ABCB8: variants seen among roughly 807,000 people sequenced by gnomAD.
ABCB8 encodes the protein ATP binding cassette subfamily B member 8.
In ABCB8, 52 loss-of-function variants were observed where a neutral mutation model predicts 73.0. That is an observed-to-expected ratio of 0.71 (90% CI 0.57 to 0.90). ABCB8 has a LOEUF of 0.90. Among genes scored for constraint, ABCB8 ranks in the 40% least tolerant of loss-of-function variants. The pLI is 0.00. For missense variants in ABCB8, 909 were observed against 974.6 expected (o/e 0.93, Z 0.90); for synonymous variants, 428 against 423.5 (o/e 1.01, Z -0.13).
chr7:151,043,978 G>C lies in ABCB8; in HGVS notation c.1773G>C (p.Arg591=). The part of the protein sequence containing the change: ...PEGYNTVVGE[R]GTTLSGGQKQ... ...CTGCCCCTCCCTTCCCAGGTGAACGGGGCACTACCCTGTCTGGGGGCCAGA... is the reference window on the plus strand; with the variant it reads ...CTGCCCCTCCCTTCCCAGGTGAACGCGGCACTACCCTGTCTGGGGGCCAGA... Residue 591 remains arginine, a synonymous_variant, in exon 15 of 16, where the codon CGG becomes CGC. Transcript: ENST00000358849. 1 of 1,611,424 alleles carries C rather than the reference G, an allele frequency of 6.2e-7. No individual in the cohort carries two copies. Among genetic ancestry groups the C allele is most frequent in the Non-Finnish European group, 8.5e-7 (1 of 1,178,732 alleles).
chr7:151,036,027 C>T (rs746901227), intron 7 of ABCB8, 46 bp from the exon 8 acceptor site: 5 of 1,612,600 alleles, frequency 3.1e-6, no homozygotes, highest in South Asian at 1.1e-5. Flanking sequence ...GCCAACCCTT[C>T]GTGCCAGCCC....
At chr7:151,040,361 T>C in intron 10 of ABCB8, 60 bp downstream of exon 10, 1 of 1,603,616 alleles carries the variant, frequency 6.2e-7, no homozygotes, top group Non-Finnish European at 8.5e-7. Flanking sequence ...TGTGCCGCTG[T>C]GGGAGCTGCC....
intron 1 of ABCB8, chr7:151,028,905 C>G (rs1796057107): frequency 2.8e-6 from 4 of 1,449,718 alleles, no homozygotes; most frequent in Non-Finnish European, 2.8e-6. Context: ...CTTTCCTGGC[C>G]CTGGAGGTGA....
intron 1 of ABCB8, chr7:151,031,460 A>C (rs1188173977): frequency 1.2e-6 from 1 of 846,356 alleles, no homozygotes; most frequent in Non-Finnish European, 1.7e-6. Flanking sequence ...GGGTCTAGGG[A>C]TGTGAAAGGC....
chr7:151,028,492 C>A lies in ABCB8; in HGVS notation c.-24C>A. 1 of 1,603,962 alleles carries A rather than the reference C, an allele frequency of 6.2e-7. No individual in the cohort carries two copies. Among genetic ancestry groups the A allele is most frequent in the East Asian group, 2.2e-5 (1 of 44,532 alleles). On this transcript the variant is annotated 5_prime_UTR_variant, in exon 1 of 16. Transcript: ENST00000358849. ...ATGAGGGTGAAACTGCTATTGCCGG[C>A]GGCTCCTGTTTTACCGCGTCAGCAT... is the stretch of plus-strand genomic sequence containing the variant.
At chr7:151,029,322 C>G (rs893483462) in intron 1 of ABCB8, among the ~76,000 whole-genome samples, 1 of 150,370 alleles carries the variant, frequency 6.7e-6, no homozygotes, top group Non-Finnish European at 1.5e-5. Flanking sequence ...AAAAAAGAGT[C>G]AATCTAGTAA....
At chr7:151,040,754 G>A in intron 11 of ABCB8, 74 bp from the exon 12 acceptor site, 1 of 1,598,930 alleles carries the variant, frequency 6.3e-7, no homozygotes. Context: ...AGGGCTACAG[G>A]GAGACTTCAG....
At position 151,028,994 on chromosome 7, in the gene ABCB8, CGAA is replaced by C. The variant is rs1796061919; in HGVS notation, c.95+391_95+393del. 7 of 1,219,414 alleles carry C rather than the reference CGAA, an allele frequency of 5.7e-6. No individual in the cohort carries two copies. In the South Asian group the frequency reaches 7.1e-5, roughly 12 times the overall value. 75.5% of individuals were successfully genotyped at this position (1,219,414 alleles called of 1,614,324 possible). Reference sequence around the variant, plus strand: ...GGTGCTTCCAGGATTCAAAGTGAGTCGAAGAAGAACTAGAGATGTTCAGCAGGG... The same window carrying C: ...GGTGCTTCCAGGATTCAAAGTGAGTCGAAGAACTAGAGATGTTCAGCAGGG... On this transcript the variant is annotated intron_variant, in intron 1 of 15. Coordinates refer to ENST00000358849, the MANE Select transcript of ABCB8 (RefSeq NM_007188.5).
At chr7:151,034,198 C>T in intron 2 of ABCB8, 75 bp from the exon 3 acceptor site, 1 of 1,505,350 alleles carries the variant, frequency 6.6e-7, no homozygotes, top group Admixed American at 1.8e-5. Flanking sequence ...AGAGGAAGGG[C>T]CAAGATCTGG....
intron 1 of ABCB8, 159 bp downstream of exon 1, chr7:151,028,769 A>G (rs532907395): frequency 6.1e-5 from 93 of 1,536,216 alleles, no homozygotes; most frequent in African/African-American, 1.9e-4. Flanking sequence ...GTTGGCCTCA[A>G]TTATTTATAG....
chr7:151,039,960 A>G (rs773184871), intron 9 of ABCB8: 8 of 370,466 alleles, frequency 2.2e-5, no homozygotes, highest in African/African-American at 6.4e-5. Context: ...ACCACAGGCC[A>G]GGGCACTGGA....
chr7:151,030,458 T>A (rs1464123254), intron 1 of ABCB8, among the ~76,000 whole-genome samples: 1 of 151,826 alleles, frequency 6.6e-6, no homozygotes, highest in Non-Finnish European at 1.5e-5. Context: ...GAGGTTGCAG[T>A]GAGCCGAGAT....
chr7:151,040,906 G>A lies in ABCB8; in HGVS notation c.1467G>A (p.Val489=). The change falls in exon 12 of 16, where the codon GTG becomes GTA. Residue 489 remains valine (V), a synonymous_variant. Coordinates refer to ENST00000358849, the MANE Select transcript of ABCB8 (RefSeq NM_007188.5). ...CCCCTGGCAAGATCGTGGCCCTCGT[G>A]GGCCAGTCTGGCGGAGGTAAGGGGA... ...TLPPGKIVAL[V]GQSGGGKTTV... 1 of 1,605,410 alleles carries A rather than the reference G, an allele frequency of 6.2e-7. No individual in the cohort carries two copies. The highest frequency in any genetic ancestry group is 8.5e-7 in the Non-Finnish European group (1 of 1,176,198).
At chr7:151,044,678 A>T (rs1796568569) in intron 15 of ABCB8, among the ~76,000 whole-genome samples, 1 of 152,216 alleles carries the variant, frequency 6.6e-6, no homozygotes, top group Non-Finnish European at 1.5e-5. Context: ...CCAGAGGTTG[A>T]GGCTGCAGTG....
In ABCB8 at chr7:151,036,106, C is replaced by T; in HGVS notation, c.1047C>T (p.Cys349=). 1 of 1,613,466 alleles carries T rather than the reference C, an allele frequency of 6.2e-7. No homozygotes were observed. Residue 349 remains cysteine (C), a synonymous_variant, in exon 8 of 16, where the codon TGC becomes TGT. Coordinates refer to ENST00000358849, the MANE Select transcript of ABCB8 (RefSeq NM_007188.5). ...GGGCAGAGCTGGAAGCCTGCCGCTG[C>T]CGGGCAGAGGAGCTGGGCCGCGGCA... ...RYGAELEACR[C]RAEELGRGIA...
Position 151,037,403 on chromosome 7 carries a change from T to C in ABCB8, c.1217+754T>C, listed in dbSNP as rs1004275538. The C allele has an allele frequency of 6.2e-5, 43 of 695,290 alleles. No homozygotes were observed. The East Asian group carries it at 8.6e-4, about 14-fold the overall frequency. 43.1% of individuals were successfully genotyped at this position (695,290 alleles called of 1,614,324 possible). A position where few individuals can be genotyped will look rare whatever the true frequency, so the allele number is the denominator to read the frequency against. ...CCTGTCCCCACACACCCCACCCTTA[T>C]AGCTTATTGCTTTGCGTTGGTCCAA... On this transcript the variant is annotated intron_variant, in intron 9 of 15. Transcript: ENST00000358849.
Position 151,040,522 on chromosome 7 carries a change from G to A in ABCB8, c.1276G>A (p.Ala426Thr), listed in dbSNP as rs955717328. The change falls in exon 11 of 16, where the codon GCC becomes ACC. Residue 426 changes from alanine (A) to threonine (T), a missense_variant. Transcript: ENST00000358849. ...GGTGGTCCGGGGGCTGAGTGCAGGT[G>A]CCCGGGTCTTTGAGTACATGGCCCT... is the stretch of plus-strand genomic sequence containing the variant. ...GQVVRGLSAG[A>T]RVFEYMALNP... 1.9e-6 allele frequency: 3 copies of A among 1,612,872 alleles called. No homozygotes were observed. Among genetic ancestry groups the A allele is most frequent in the South Asian group, 2.2e-5 (2 of 91,030 alleles).
Position 151,035,864 on chromosome 7 carries a change from T to C in ABCB8, c.928-18T>C. ...CTGTTTTCTGGACTCCTTGTCCTGTTTCCTGGACTCCTTGCAGATCGCCAG... is the reference window on the plus strand; with the variant it reads ...CTGTTTTCTGGACTCCTTGTCCTGTCTCCTGGACTCCTTGCAGATCGCCAG... On this transcript the variant is annotated intron_variant, in intron 6 of 15. Transcript: ENST00000358849. The C allele has an allele frequency of 1.2e-6, 2 of 1,612,378 alleles. No homozygotes were observed. Among genetic ancestry groups the C allele is most frequent in the East Asian group, 4.5e-5 (2 of 44,884 alleles).
In ABCB8 at chr7:151,028,456, C is replaced by G. The variant is rs780092519; in HGVS notation, c.-60C>G. ...GATGGGGGCGGGAGCCAACATAGAG[C>G]CCTCAGTGGGATGAGGGTGAAACTG... On this transcript the variant is annotated 5_prime_UTR_variant, in exon 1 of 16. Coordinates refer to ENST00000358849, the MANE Select transcript of ABCB8 (RefSeq NM_007188.5). 25 of 1,550,470 alleles carry G rather than the reference C, an allele frequency of 1.6e-5. No individual in the cohort carries two copies. In the South Asian group the frequency reaches 2.9e-4, roughly 18 times the overall value.
Sources: gnomAD v4.1 joint callset for allele counts (sites outside exome capture counted in the v4.1 genomes callset) on GRCh38, gnomAD v4.1.1 for gene constraint, MANE v1.5 for transcripts, NCBI Gene and HGNC (gene_info 2026-07-23, HGNC 2026-07-21) for gene names.